The following RASSF8 variants were observed in gnomAD, a reference collection of about 807,000 sequenced individuals.
RASSF8 encodes the protein Ras association domain family member 8.
In RASSF8, 22 loss-of-function variants were observed where a neutral mutation model predicts 48.5. The observed-to-expected ratio is 0.45, with a 90% CI of 0.32 to 0.65. The LOEUF (loss-of-function observed/expected upper bound fraction) is 0.65, where lower values mean the gene tolerates loss of function less well. Ranked by LOEUF, RASSF8 falls within the 30% of genes least tolerant of loss-of-function variation. RASSF8 has a pLI of 0.03. For missense variants in RASSF8, 418 were observed against 489.2 expected (o/e 0.85, Z 1.37); for synonymous variants, 127 against 171.5 (o/e 0.74, Z 2.03).
Position 26,071,402 on chromosome 12 carries a change from G to GT in RASSF8, c.*2592dup, listed in dbSNP as rs982581114. On this transcript the variant is annotated 3_prime_UTR_variant, in exon 6 of 6. Transcript: ENST00000689635. Reference sequence around the variant, plus strand: ...ACTAAATTAGATTTCAATGTTTTGTGTTTTTTTTAAAAAAATCATATTGCA... The same window carrying GT: ...ACTAAATTAGATTTCAATGTTTTGTGTTTTTTTTTAAAAAAATCATATTGCA... 24 of 937,668 alleles carry GT rather than the reference G, an allele frequency of 2.6e-5. No individual in the cohort carries two copies. The highest frequency in any genetic ancestry group is 1.2e-4 in the Admixed American group (2 of 16,152). The allele number at this position is 937,668 out of a possible 1,614,324, so 58.1% of individuals were successfully genotyped here. A position where few individuals can be genotyped will look rare whatever the true frequency, so the allele number is the denominator to read the frequency against.
chr12:26,002,615 A>C (rs1287371211), intron 2 of RASSF8, among the ~76,000 whole-genome samples: 4 of 152,202 alleles, frequency 2.6e-5, no homozygotes, highest in Non-Finnish European at 5.9e-5. Flanking sequence ...CCTACTAAAA[A>C]TAGAAAAAAA....
In RASSF8 at chr12:26,018,002, G is replaced by A. The variant is rs1016628664; in HGVS notation, c.-109+22872G>A. 7.9e-5 allele frequency among the ~76,000 whole-genome samples: 12 copies of A among 152,340 alleles called. 1 individual carries two copies. The South Asian group carries it at 2.5e-3, about 32-fold the overall frequency. On this transcript the variant is annotated intron_variant, in intron 2 of 5. Coordinates refer to ENST00000689635, the MANE Select transcript of RASSF8 (RefSeq NM_001394098.1). ...TGGCTATGATAGTTTGTGAGATCAC[G>A]TGATTTCATTTCTACTGAAATGTCT... is the stretch of plus-strand genomic sequence containing the variant.
At chr12:25,978,705 G>A (rs1307920000) in intron 1 of RASSF8, among the ~76,000 whole-genome samples, 1 of 151,574 alleles carries the variant, frequency 6.6e-6, no homozygotes, top group East Asian at 1.9e-4. Flanking sequence ...TTTTAACCAG[G>A]GGCACGATGG....
At position 26,059,132 on chromosome 12, in the gene RASSF8, T is replaced by C. The variant is rs183936719; in HGVS notation, c.103+3686T>C. On this transcript the variant is annotated intron_variant, in intron 3 of 5. Transcript: ENST00000689635. ...CTATCTCAAGTTATAATGGAGAAAA[T>C]GCATTTGCTTTTATCTCAAACCAAA... 2.9e-3 allele frequency among the ~76,000 whole-genome samples: 439 copies of C among 152,278 alleles called. 1 individual carries two copies. Among genetic ancestry groups the C allele is most frequent in the African/African-American group, 0.01 (423 of 41,554 alleles).
intron 4 of RASSF8, among the ~76,000 whole-genome samples, chr12:26,066,182 C>T (rs1274844647): frequency 4.6e-5 from 7 of 152,274 alleles, no homozygotes; most frequent in South Asian, 2.1e-4. Flanking sequence ...AGCTGCTGTA[C>T]GGGCCGTGCA....
chr12:25,974,440 G>A (rs751663018), intron 1 of RASSF8, among the ~76,000 whole-genome samples: 3 of 151,388 alleles, frequency 2.0e-5, no homozygotes, highest in Non-Finnish European at 4.4e-5. Context: ...GGATGGCTAG[G>A]TTTTTTGTTT....
intron 1 of RASSF8, among the ~76,000 whole-genome samples, chr12:25,968,175 C>T (rs560713675): frequency 2.3e-4 from 35 of 152,280 alleles, no homozygotes; most frequent in African/African-American, 7.7e-4. Context: ...TTCTTAGAAA[C>T]GTTTCATGCC....
At chr12:26,031,482 G>A (rs1194586268) in intron 2 of RASSF8, among the ~76,000 whole-genome samples, 1 of 152,180 alleles carries the variant, frequency 6.6e-6, no homozygotes, top group East Asian at 1.9e-4. Flanking sequence ...CACAGGCCCA[G>A]TAGAGTTACT....
At position 26,027,840 on chromosome 12, in the gene RASSF8, A is replaced by G. The variant is rs552425615; in HGVS notation, c.-108-27396A>G. On this transcript the variant is annotated intron_variant, in intron 2 of 5. Transcript: ENST00000689635. ...CATAGAGGACTGAGCCAGAAATTCA[A>G]TAATGTTAGCCTGAAAAAGAACAGC... Among the ~76,000 whole-genome samples the G allele has an allele frequency of 3.9e-5, 6 of 152,340 alleles. No homozygotes were observed. The South Asian group carries it at 8.3e-4, about 21-fold the overall frequency.
chr12:26,040,433 A>G (rs1943239386), intron 2 of RASSF8, among the ~76,000 whole-genome samples: 1 of 152,230 alleles, frequency 6.6e-6, no homozygotes, highest in Admixed American at 6.5e-5. Flanking sequence ...GTGAAGTGGC[A>G]TCTTACCCGG....
At chr12:25,989,062 C>T (rs1941954398) in intron 1 of RASSF8, among the ~76,000 whole-genome samples, 1 of 152,126 alleles carries the variant, frequency 6.6e-6, no homozygotes, top group Non-Finnish European at 1.5e-5. Flanking sequence ...TTGTACTTAC[C>T]AAGCGGTAGT....
intron 3 of RASSF8, among the ~76,000 whole-genome samples, chr12:26,063,666 C>CGG (rs1943797098): frequency 6.6e-6 from 1 of 151,896 alleles, no homozygotes; most frequent in African/African-American, 2.4e-5. Context: ...TCCCAAAATA[C>CGG]TGGGATTACA....
At chr12:25,971,630 A>G (rs561770172) in intron 1 of RASSF8, among the ~76,000 whole-genome samples, 19 of 152,338 alleles carry the variant, frequency 1.2e-4, no homozygotes, top group African/African-American at 3.8e-4. Flanking sequence ...ACTGTTTCCA[A>G]TGAGCTTTCT....
chr12:25,986,298 C>T (rs1941873779), intron 1 of RASSF8, among the ~76,000 whole-genome samples: 1 of 152,154 alleles, frequency 6.6e-6, no homozygotes, highest in Admixed American at 6.5e-5. Context: ...AAAGACACAC[C>T]AGGTGTACTT....
intron 4 of RASSF8, among the ~76,000 whole-genome samples, chr12:26,065,817 C>T (rs1300489642): frequency 1.3e-5 from 2 of 152,194 alleles, no homozygotes; most frequent in African/African-American, 2.4e-5. Context: ...CAGCCCCCGT[C>T]CCTTCTCCCC....
intron 1 of RASSF8, among the ~76,000 whole-genome samples, chr12:25,991,788 C>G (rs1942020280): frequency 6.6e-6 from 1 of 152,154 alleles, no homozygotes; most frequent in Non-Finnish European, 1.5e-5. Flanking sequence ...TATCTCTGTT[C>G]ATTGTAGGAG....
At chr12:26,068,506 A>C (rs1369609034) in intron 5 of RASSF8, among the ~76,000 whole-genome samples, 191 bp from the exon 6 acceptor site, 1 of 152,208 alleles carries the variant, frequency 6.6e-6, no homozygotes, top group Non-Finnish European at 1.5e-5. Flanking sequence ...TGTTCAAATC[A>C]ACAAAAACTA....
At chr12:26,079,059 G>C in exon 6 of RASSF8, 1 of 1,546,260 alleles carries the variant, frequency 6.5e-7, no homozygotes, top group Non-Finnish European at 8.7e-7. Context: ...TGATAAGCAG[G>C]AGTGTAAAGA....
intron 2 of RASSF8, among the ~76,000 whole-genome samples, chr12:26,003,364 TG>T (rs1555162905): frequency 1.3e-5 from 2 of 152,260 alleles, no homozygotes; most frequent in Non-Finnish European, 2.9e-5. Flanking sequence ...GCTCGTGTTT[TG>T]TTGAAGATTT....
Sources: allele counts gnomAD v4.1 joint callset (sites outside exome capture counted in the v4.1 genomes callset), GRCh38; gene constraint gnomAD v4.1.1; transcripts MANE v1.5; gene names NCBI Gene and HGNC (gene_info 2026-07-23, HGNC 2026-07-21).